The following GTF2A2 variants were observed in gnomAD, a reference collection of about 807,000 sequenced individuals.
The protein encoded by GTF2A2 is transcription initiation factor IIA subunit 2.
GTF2A2 carries 9 observed loss-of-function variants against 14.3 expected under a neutral mutation model. That is an observed-to-expected ratio of 0.63 (90% CI 0.38 to 1.10). The LOEUF is 1.10. Ranked by LOEUF, GTF2A2 falls within the 50% of genes least tolerant of loss-of-function variation. The probability of loss-of-function intolerance (pLI) is 0.01; values close to 1 mark genes in which losing one functional copy is unlikely to be tolerated. For missense variants in GTF2A2, 90 were observed against 124.6 expected (o/e 0.72, Z 1.32); for synonymous variants, 56 against 46.0 (o/e 1.22, Z -0.88).
At position 59,646,441 on chromosome 15, in the gene GTF2A2, C is replaced by T. The variant is rs79854290; in HGVS notation, c.178-4179G>A. Among the ~76,000 whole-genome samples, 1,242 of 152,180 alleles carry T rather than the reference C, an allele frequency of 8.2e-3. 16 individuals carry two copies. Among genetic ancestry groups the T allele is most frequent in the East Asian group, 0.06 (310 of 5,182 alleles). ...CCAAAGTTCCCAAAGTCATATCATT[C>T]TTATGCCTTTGTGTCCTCATAGCTT... On this transcript the variant is annotated intron_variant, in intron 3 of 4. Coordinates refer to ENST00000396060, the MANE Select transcript of GTF2A2 (RefSeq NM_004492.3).
At chr15:59,654,402 A>G (rs10152415) in intron 1 of GTF2A2, among the ~76,000 whole-genome samples, 99,439 of 152,074 alleles carry the variant, frequency 0.65, 32,864 homozygotes, top group African/African-American at 0.73. Context: ...CTCTCATTTG[A>G]TTCAGATCTC....
chr15:59,642,713 C>A (rs1193795534), intron 3 of GTF2A2, among the ~76,000 whole-genome samples: 2 of 152,208 alleles, frequency 1.3e-5, no homozygotes, highest in African/African-American at 4.8e-5. Flanking sequence ...ATTACTGCAT[C>A]GGTCACTAAG....
At chr15:59,640,776 CAATTTCA>C (rs1891391081) in intron 4 of GTF2A2, among the ~76,000 whole-genome samples, 2 of 152,132 alleles carry the variant, frequency 1.3e-5, no homozygotes, top group South Asian at 4.1e-4. Context: ...AAATTGTACA[CAATTTCA>C]AATATAGAAA....
chr15:59,641,070 A>G (rs1371335732), intron 4 of GTF2A2, among the ~76,000 whole-genome samples: 3 of 152,124 alleles, frequency 2.0e-5, no homozygotes, highest in Non-Finnish European at 4.4e-5. Context: ...ACTAAAAATC[A>G]GGCTTAAGTG....
chr15:59,654,318 T>C (rs1891880876), intron 1 of GTF2A2, among the ~76,000 whole-genome samples: 1 of 152,180 alleles, frequency 6.6e-6, no homozygotes, highest in Non-Finnish European at 1.5e-5. Flanking sequence ...GGAAGCATGA[T>C]CCTGCTTGAG....
chr15:59,646,351 T>C (rs1198389607), intron 3 of GTF2A2, among the ~76,000 whole-genome samples: 1 of 152,146 alleles, frequency 6.6e-6, no homozygotes. Flanking sequence ...CCACTGTACC[T>C]TGCCTTACTT....
rs187014815 is a variant in GTF2A2, at chr15:59,639,262, T to C, written c.305-105A>G. ...AAAAATGAGAACACAGGACTAATAG[T>C]GGTGGTGGCTTGCAGGGTGGGGAAG... On this transcript the variant is annotated intron_variant, in intron 4 of 4. Coordinates refer to ENST00000396060, the MANE Select transcript of GTF2A2 (RefSeq NM_004492.3). The C allele has an allele frequency of 1.4e-3, 1,055 of 743,808 alleles. 12 individuals carry two copies. In the African/African-American group the frequency reaches 0.015, roughly 11 times the overall value. The allele number at this position is 743,808 out of a possible 1,614,324, so 46.1% of individuals were successfully genotyped here. A position where few individuals can be genotyped will look rare whatever the true frequency, so the allele number is the denominator to read the frequency against.
In GTF2A2 at chr15:59,638,791, C is replaced by A. The variant is rs1034483947; in HGVS notation, c.*341G>T. 1.0e-4 allele frequency: 19 copies of A among 189,828 alleles called. No homozygotes were observed. Among genetic ancestry groups the A allele is most frequent in the Admixed American group, 6.0e-4 (10 of 16,550 alleles). The allele number at this position is 189,828 out of a possible 1,614,324, so 11.8% of individuals were successfully genotyped here. ...AAGCATTCTGAAAGGGCATCATGTT[C>A]CTTGCAAAGGAAATGGGAAAATGCA... On this transcript the variant is annotated 3_prime_UTR_variant, in exon 5 of 5. Coordinates refer to ENST00000396060, the MANE Select transcript of GTF2A2 (RefSeq NM_004492.3).
rs10676087 is a variant in GTF2A2, at chr15:59,638,735, T to TACA, written c.*394_*396dup. On this transcript the variant is annotated 3_prime_UTR_variant, in exon 5 of 5. Coordinates refer to ENST00000396060, the MANE Select transcript of GTF2A2 (RefSeq NM_004492.3). The stretch of plus-strand genomic sequence containing the variant: ...TGCTGATGCTTTCATCAGGTAAAGT[T>TACA]ACAACTGACAAAACATGACTTTATT... The TACA allele has an allele frequency of 0.071, 11,135 of 156,480 alleles. 691 individuals are homozygous for TACA. Among genetic ancestry groups the TACA allele is most frequent in the East Asian group, 0.27 (1,436 of 5,322 alleles). The allele number at this position is 156,480 out of a possible 1,614,324, so 9.7% of individuals were successfully genotyped here. A position where few individuals can be genotyped will look rare whatever the true frequency, so the allele number is the denominator to read the frequency against.
intron 1 of GTF2A2, among the ~76,000 whole-genome samples, chr15:59,653,609 T>G (rs565206680): frequency 7.5e-6 from 1 of 133,974 alleles, no homozygotes; most frequent in East Asian, 3.1e-4. Context: ...TTCCACATAC[T>G]TTACTCTCTT....
chr15:59,655,020 T>A (rs533590557), intron 1 of GTF2A2, among the ~76,000 whole-genome samples: 1 of 152,212 alleles, frequency 6.6e-6, no homozygotes, highest in African/African-American at 2.4e-5. Context: ...CCTGTCACTA[T>A]AGTTGAACTC....
chr15:59,653,615 C>T (rs950732248), intron 1 of GTF2A2, among the ~76,000 whole-genome samples: 5 of 74,714 alleles, frequency 6.7e-5, no homozygotes, highest in Non-Finnish European at 1.4e-4. Context: ...ATACTTTACT[C>T]TCTTAGTTAC....
chr15:59,638,904 G>GGAAGGCAACAACTTTT lies in GTF2A2; in HGVS notation c.*212_*227dup. On this transcript the variant is annotated 3_prime_UTR_variant, in exon 5 of 5. Transcript: ENST00000396060. ...ATGAGTTTATTAAAGAAGGTTCTTA[G>GGAAGGCAACAACTTTT]GAAGGCAACAACTTTTGTCCTTAAA... The GGAAGGCAACAACTTTT allele has an allele frequency of 2.2e-6, 1 of 448,742 alleles. No individual in the cohort carries two copies. The highest frequency in any genetic ancestry group is 4.0e-6 in the Non-Finnish European group (1 of 248,004). The allele number at this position is 448,742 out of a possible 1,614,324, so 27.8% of individuals were successfully genotyped here. A position where few individuals can be genotyped will look rare whatever the true frequency, so the allele number is the denominator to read the frequency against.
At chr15:59,648,175 G>A (rs971577225) in intron 3 of GTF2A2, among the ~76,000 whole-genome samples, 7 of 151,976 alleles carry the variant, frequency 4.6e-5, no homozygotes, top group Admixed American at 2.0e-4. Flanking sequence ...TTGGGAGGCC[G>A]AGGCGGGCGG....
intron 3 of GTF2A2, among the ~76,000 whole-genome samples, chr15:59,648,751 G>C (rs1356752834): frequency 6.6e-6 from 1 of 151,938 alleles, no homozygotes; most frequent in African/African-American, 2.4e-5. Flanking sequence ...TGGCAAATAC[G>C]GTGAAACCCC....
At chr15:59,656,428 C>CT (rs57474581) in intron 1 of GTF2A2, among the ~76,000 whole-genome samples, 47,001 of 148,666 alleles carry the variant, frequency 0.32, 9,051 homozygotes, top group African/African-American at 0.55. Context: ...TTATATTTCT[C>CT]TTTTTTTTTT....
intron 1 of GTF2A2, among the ~76,000 whole-genome samples, chr15:59,654,146 C>CA (rs1891874200): frequency 6.6e-6 from 1 of 152,156 alleles, no homozygotes; most frequent in Non-Finnish European, 1.5e-5. Flanking sequence ...CTGGTCTATT[C>CA]AAAACCACCA....
intron 1 of GTF2A2, among the ~76,000 whole-genome samples, chr15:59,653,422 C>T (rs1299689941): frequency 6.6e-6 from 1 of 152,202 alleles, no homozygotes; most frequent in Non-Finnish European, 1.5e-5. Context: ...ACCTTGCTAG[C>T]ACTGGATTCA....
Position 59,642,176 on chromosome 15 carries a change from AAT to A in GTF2A2, c.262_263del (p.Ile88Ter). ...DVEFREVTEL[I>X]KVDKVKIVAC... The stretch of plus-strand genomic sequence containing the variant: ...CTACAATTTTCACTTTATCCACTTT[AAT>A]AAGTTCTGTCACCTCTCTGAATTCA... On this transcript the variant is annotated frameshift_variant, in exon 4 of 5. Transcript: ENST00000396060. LOFTEE classifies it high-confidence loss of function. 1 of 1,610,182 alleles carries A rather than the reference AAT, an allele frequency of 6.2e-7. No homozygotes were observed. Among genetic ancestry groups the A allele is most frequent in the Non-Finnish European group, 8.5e-7 (1 of 1,178,118 alleles).
Sources: gnomAD v4.1 joint callset for allele counts (sites outside exome capture counted in the v4.1 genomes callset) on GRCh38, gnomAD v4.1.1 for gene constraint, MANE v1.5 for transcripts, NCBI Gene and HGNC (gene_info 2026-07-23, HGNC 2026-07-21) for gene names.